PCNX1: variants seen among roughly 807,000 people sequenced by gnomAD.
PCNX1 encodes pecanex-like protein 1.
Under a neutral mutation model 242.2 loss-of-function variants are expected in PCNX1, and 78 were observed. That is an observed-to-expected ratio of 0.32 (90% confidence interval 0.27 to 0.39). PCNX1 has a LOEUF of 0.39. PCNX1 is among the 10% of genes least tolerant of loss of function. The pLI, the probability that PCNX1 is intolerant of heterozygous loss-of-function variation, is 1.00. For synonymous variants in PCNX1, 1,024 were observed against 1,032.9 expected (o/e 0.99, Z 0.17); for missense variants, 2,581 against 2,856.5 (o/e 0.90, Z 2.20).
At chr14:70,948,921 GTA>G (rs1416674682) in intron 2 of PCNX1, among the ~76,000 whole-genome samples, 1 of 146,058 alleles carries the variant, frequency 6.8e-6, no homozygotes, top group Non-Finnish European at 1.5e-5. Context: ...GTATATATGT[GTA>G]TATATGTACA....
chr14:70,910,679 C>T (rs560234768), intron 1 of PCNX1, among the ~76,000 whole-genome samples: 4 of 152,162 alleles, frequency 2.6e-5, no homozygotes, highest in Non-Finnish European at 4.4e-5. Flanking sequence ...GTATTTATTC[C>T]TAACTGATAT....
chr14:71,104,112 C>T (rs1003614218), intron 32 of PCNX1, among the ~76,000 whole-genome samples: 2 of 152,272 alleles, frequency 1.3e-5, no homozygotes, highest in South Asian at 4.1e-4. Flanking sequence ...TGCAGAGATA[C>T]TACTGCCTTT....
In PCNX1 at chr14:71,067,383, C is replaced by G. The variant is rs1267779985; in HGVS notation, c.4853-6162C>G. On this transcript the variant is annotated intron_variant, in intron 26 of 35. Coordinates refer to ENST00000304743, the MANE Select transcript of PCNX1 (RefSeq NM_014982.3). Reference sequence around the variant, plus strand: ...GAAATTTATCTATTTTTTTTCTAGACTTTCTAGTTTATTTGCATAGGGGTG... The same window carrying G: ...GAAATTTATCTATTTTTTTTCTAGAGTTTCTAGTTTATTTGCATAGGGGTG... Among the ~76,000 whole-genome samples, 3 of 151,824 alleles carry G rather than the reference C, an allele frequency of 2.0e-5. No homozygotes were observed. The South Asian group carries it at 6.2e-4, about 32-fold the overall frequency.
chr14:71,066,966 A>G (rs2061462388), intron 26 of PCNX1, among the ~76,000 whole-genome samples: 1 of 152,102 alleles, frequency 6.6e-6, no homozygotes, highest in African/African-American at 2.4e-5. Flanking sequence ...AGCCAACTTG[A>G]TCATGGTGAA....
chr14:70,925,673 T>G (rs2056563337), intron 1 of PCNX1, among the ~76,000 whole-genome samples: 1 of 151,956 alleles, frequency 6.6e-6, no homozygotes, highest in South Asian at 2.1e-4. Flanking sequence ...CTGTACTGCT[T>G]AAACATTATT....
chr14:71,070,193 C>T lies in PCNX1; in HGVS notation c.4853-3352C>T, dbSNP rs137894493. ...ATTCTGCCACATCCTTCAGATTTCACTTCTAATTCTGCTTCTCTTGCTATT... is the reference window on the plus strand; with the variant it reads ...ATTCTGCCACATCCTTCAGATTTCATTTCTAATTCTGCTTCTCTTGCTATT... On this transcript the variant is annotated intron_variant, in intron 26 of 35. Transcript: ENST00000304743. Among the ~76,000 whole-genome samples the T allele has an allele frequency of 3.9e-5, 6 of 152,332 alleles. No individual in the cohort carries two copies. In the East Asian group the frequency reaches 1.2e-3, roughly 29 times the overall value.
chr14:70,954,377 C>T (rs1316694362), intron 2 of PCNX1, among the ~76,000 whole-genome samples: 4 of 152,068 alleles, frequency 2.6e-5, no homozygotes, highest in African/African-American at 9.7e-5. Flanking sequence ...GGAGAGACTT[C>T]GCTATTCTTG....
intron 24 of PCNX1, among the ~76,000 whole-genome samples, chr14:71,052,980 A>G (rs868761817): frequency 3.3e-5 from 5 of 152,342 alleles, no homozygotes; most frequent in African/African-American, 1.2e-4. Flanking sequence ...GTACTAATTT[A>G]TAATTCTACT....
intron 27 of PCNX1, among the ~76,000 whole-genome samples, chr14:71,074,990 C>CTCTTTTTTTT (rs1159668298): frequency 8.9e-5 from 9 of 101,114 alleles, no homozygotes; most frequent in African/African-American, 3.1e-4. Flanking sequence ...CTTTTCTTCT[C>CTCTTTTTTTT]TTTTTTTTTT....
At chr14:71,026,015 G>A in intron 13 of PCNX1, 102 bp from the exon 14 acceptor site, 1 of 604,822 alleles carries the variant, frequency 1.7e-6, no homozygotes, top group Non-Finnish European at 2.7e-6. Context: ...GCTTCCATAT[G>A]GAAAAAGTTT....
Position 71,037,675 on chromosome 14 carries a change from G to A in PCNX1, c.3867+1518G>A, listed in dbSNP as rs137896770. Among the ~76,000 whole-genome samples the A allele has an allele frequency of 6.7e-3, 1,011 of 151,904 alleles. 14 individuals carry two copies. The highest frequency in any genetic ancestry group is 0.023 in the African/African-American group (970 of 41,394). ...TGGTGGATAAGCTTTTTGATGTGCT[G>A]CTGGATTCGGTTTGCCAGTATTTTA... On this transcript the variant is annotated intron_variant, in intron 19 of 35. Transcript: ENST00000304743.
Position 71,113,892 on chromosome 14 carries a change from T to TACAAAAAAGA in PCNX1, c.*3958_*3959insCAAAAAAGAA, listed in dbSNP as rs2062803416. 1 of 152,186 alleles carries TACAAAAAAGA rather than the reference T, an allele frequency of 6.6e-6. No individual in the cohort carries two copies. The highest frequency in any genetic ancestry group is 2.4e-5 in the African/African-American group (1 of 41,450). 9.4% of individuals were successfully genotyped at this position (152,186 alleles called of 1,614,324 possible). On this transcript the variant is annotated 3_prime_UTR_variant, in exon 36 of 36. Coordinates refer to ENST00000304743, the MANE Select transcript of PCNX1 (RefSeq NM_014982.3). The stretch of plus-strand genomic sequence containing the variant: ...GTATGTTTGTTTTTTAAGTCGTCAT[T>TACAAAAAAGA]ATTCATTCGTATTCTTTTTCTGTGT...
At chr14:71,032,315 T>C (rs1199937293) in intron 16 of PCNX1, among the ~76,000 whole-genome samples, 6 of 152,366 alleles carry the variant, frequency 3.9e-5, no homozygotes, top group East Asian at 3.9e-4. Flanking sequence ...TCTTAAGATA[T>C]TAACTTTCTT....
intron 16 of PCNX1, among the ~76,000 whole-genome samples, 199 bp from the exon 17 acceptor site, chr14:71,033,230 G>A (rs915193734): frequency 6.6e-6 from 1 of 152,132 alleles, no homozygotes; most frequent in Non-Finnish European, 1.5e-5. Context: ...TAGTACCAAA[G>A]ACATTTAGTG....
In PCNX1 at chr14:71,103,594, A is replaced by G; in HGVS notation, c.6020A>G (p.Glu2007Gly). ...PLTTSYSDSH[E>G]QLKDILGGPI... ...ACAACTTCTTACTCTGACAGCCACGAACAGCTTAAAGACATTCTTGGGGGT... is the reference window on the plus strand; with the variant it reads ...ACAACTTCTTACTCTGACAGCCACGGACAGCTTAAAGACATTCTTGGGGGT... The change falls in exon 32 of 36, where the codon GAA (glutamate) becomes GGA (glycine). Residue 2007 changes from glutamate to glycine, a missense_variant. Glu to Gly is a moderately conservative substitution (Grantham distance 98, BLOSUM62 -2). Coordinates refer to ENST00000304743, the MANE Select transcript of PCNX1 (RefSeq NM_014982.3). The G allele has an allele frequency of 6.2e-7, 1 of 1,614,154 alleles. No individual in the cohort carries two copies. The highest frequency in any genetic ancestry group is 8.5e-7 in the Non-Finnish European group (1 of 1,180,006).
chr14:71,075,233 C>G (rs1382504806), intron 27 of PCNX1, among the ~76,000 whole-genome samples: 3 of 152,020 alleles, frequency 2.0e-5, no homozygotes, highest in Non-Finnish European at 2.9e-5. Flanking sequence ...TCAAGCAGTT[C>G]TCCCACACTG....
chr14:70,986,323 T>C (rs897490817), intron 6 of PCNX1, among the ~76,000 whole-genome samples: 9 of 152,244 alleles, frequency 5.9e-5, no homozygotes. Context: ...AATTCCACTT[T>C]AACATTGTTC....
At chr14:70,908,433 C>T (rs1318604697) in intron 1 of PCNX1, among the ~76,000 whole-genome samples, 1 of 152,112 alleles carries the variant, frequency 6.6e-6, no homozygotes, top group African/African-American at 2.4e-5. Context: ...GCACTGCCCG[C>T]CCCCGCCGCG....
intron 26 of PCNX1, among the ~76,000 whole-genome samples, chr14:71,065,702 G>C (rs1447269757): frequency 6.6e-6 from 1 of 152,184 alleles, no homozygotes; most frequent in Non-Finnish European, 1.5e-5. Flanking sequence ...CCTATGTCCT[G>C]AATGGTATTG....
Sources: allele counts gnomAD v4.1 joint callset (sites outside exome capture counted in the v4.1 genomes callset), GRCh38; gene constraint gnomAD v4.1.1; transcripts MANE v1.5; gene names NCBI Gene and HGNC (gene_info 2026-07-23, HGNC 2026-07-21).